Variants in BRDT observed in about 807,000 individuals in gnomAD.
BRDT encodes bromodomain testis-specific protein.
In BRDT, 77 loss-of-function variants were observed where a neutral mutation model predicts 113.9. That is an observed-to-expected ratio of 0.68 (90% CI 0.56 to 0.82). BRDT has a LOEUF of 0.82. BRDT is among the 40% of genes least tolerant of loss of function. The probability of loss-of-function intolerance (pLI) is 0.00; values close to 1 mark genes in which losing one functional copy is unlikely to be tolerated. For missense variants in BRDT, 1,027 were observed against 1,105.4 expected (o/e 0.93, Z 1.01); for synonymous variants, 358 against 366.5 (o/e 0.98, Z 0.26).
At chr1:91,985,120 C>G (rs574714181) in intron 12 of BRDT, among the ~76,000 whole-genome samples, 10 of 152,084 alleles carry the variant, frequency 6.6e-5, no homozygotes, top group Admixed American at 6.5e-4. Flanking sequence ...CTCACTCTGT[C>G]GCCCAGGCTG....
At chr1:91,953,301 G>A (rs1681330899) in intron 1 of BRDT, among the ~76,000 whole-genome samples, 1 of 152,182 alleles carries the variant, frequency 6.6e-6, no homozygotes, top group Non-Finnish European at 1.5e-5. Flanking sequence ...TTAGTTCTAT[G>A]CTGTGCTGTT....
Position 91,977,197 on chromosome 1 carries a change from A to T in BRDT, c.773A>T (p.Gln258Leu), listed in dbSNP as rs557202910. Residue 258 changes from glutamine to leucine, a missense_variant, in exon 6 of 19, where the codon CAG becomes CTG. Transcript: ENST00000399546. ...CCAAAGAATGTTTTGCCAGATTCTC[A>T]GCAACAATATAATGTTGTGAAGACT... ...NMPKNVLPDS[Q>L]QQYNVVKTVK... is the part of the protein sequence containing the mutation. 3 of 1,614,102 alleles carry T rather than the reference A, an allele frequency of 1.9e-6. No individual in the cohort carries two copies. The highest frequency in any genetic ancestry group is 2.2e-5 in the South Asian group (2 of 91,062).
chr1:92,005,299 A>G lies in BRDT; in HGVS notation c.2775A>G (p.Ala925=). The change falls in exon 18 of 19, where the codon GCA becomes GCG. Residue 925 remains alanine (A), a splice_region_variant and synonymous_variant. Coordinates refer to ENST00000399546, the MANE Select transcript of BRDT (RefSeq NM_207189.4). ...QKEQERRRRE[A]MVGTIDMTLQ... ...AACAAGAGAGGAGGAGGAGAGAAGC[A>G]GTAAGTGAATTTTAGTTTACTAAAT... 6.5e-7 allele frequency: 1 copy of G among 1,537,184 alleles called. No individual in the cohort carries two copies. The highest frequency in any genetic ancestry group is 8.7e-7 in the Non-Finnish European group (1 of 1,149,790).
rs955524230 is a variant in BRDT, at chr1:92,011,963, A to C, written c.2776-2243A>C. Among the ~76,000 whole-genome samples the C allele has an allele frequency of 4.6e-5, 7 of 152,218 alleles. 1 individual carries two copies. Among genetic ancestry groups the C allele is most frequent in the African/African-American group, 1.7e-4 (7 of 41,452 alleles). Reference sequence around the variant, plus strand: ...TTGAAGAGTGTATTTAGGACCACACAGTAAGGAATAGCCAGCTTATGGTGT... The same window carrying C: ...TTGAAGAGTGTATTTAGGACCACACCGTAAGGAATAGCCAGCTTATGGTGT... On this transcript the variant is annotated intron_variant, in intron 18 of 18. Coordinates refer to ENST00000399546, the MANE Select transcript of BRDT (RefSeq NM_207189.4).
In BRDT at chr1:91,994,165, A is replaced by C; in HGVS notation, c.2198A>C (p.Asn733Thr). 6.2e-7 allele frequency: 1 copy of C among 1,613,402 alleles called. No homozygotes were observed. Among genetic ancestry groups the C allele is most frequent in the Non-Finnish European group, 8.5e-7 (1 of 1,179,464 alleles). The change falls in exon 15 of 19, where the codon AAT (asparagine) becomes ACT (threonine). Residue 733 changes from asparagine to threonine, a missense_variant. By Grantham distance (65) the Asn-to-Thr change is moderately conservative. Transcript: ENST00000399546. ...ACACCTTCACATGTAATGCCACCAA[A>C]TCACCACCAATTAGCATTTAATTAT... is the stretch of plus-strand genomic sequence containing the variant. Reference protein sequence around the residue: ...QTTPSHVMPPNHHQLAFNYQE... With the variant: ...QTTPSHVMPPTHHQLAFNYQE...
At chr1:91,958,129 C>T (rs966367965) in intron 1 of BRDT, among the ~76,000 whole-genome samples, 1 of 152,190 alleles carries the variant, frequency 6.6e-6, no homozygotes, top group Middle Eastern at 3.4e-3. Flanking sequence ...AGGCGCGAGC[C>T]GCCATGCCTG....
chr1:92,013,081 G>A (rs559356929), intron 18 of BRDT, among the ~76,000 whole-genome samples: 2 of 151,856 alleles, frequency 1.3e-5, no homozygotes, highest in Admixed American at 6.6e-5. Context: ...ACCTGGGCAT[G>A]GCGGTGCACA....
chr1:91,956,755 T>C (rs1394487012), intron 1 of BRDT, among the ~76,000 whole-genome samples: 4 of 151,970 alleles, frequency 2.6e-5, no homozygotes, highest in Non-Finnish European at 5.9e-5. Context: ...CTGGGAAACA[T>C]AGTGAGACTC....
chr1:92,005,341 A>G, intron 18 of BRDT, 42 bp downstream of exon 18: 1 of 1,453,086 alleles, frequency 6.9e-7, no homozygotes, highest in South Asian at 1.6e-5. Context: ...TAACAAGGGA[A>G]AGATTTAACA....
rs572021271 is a variant in BRDT, at chr1:92,010,517, C to T, written c.2776-3689C>T. Among the ~76,000 whole-genome samples, 197 of 151,894 alleles carry T rather than the reference C, an allele frequency of 1.3e-3. 2 individuals carry two copies. The highest frequency in any genetic ancestry group is 0.01 in the Middle Eastern group (3 of 294). On this transcript the variant is annotated intron_variant, in intron 18 of 18. Coordinates refer to ENST00000399546, the MANE Select transcript of BRDT (RefSeq NM_207189.4). ...GCCAGGGCTAGTCTCAAACTCCTGT[C>T]CTTAAGGGATCTGCCTGCCTCTGCC...
At chr1:91,988,432 G>T (rs1685463002) in intron 12 of BRDT, among the ~76,000 whole-genome samples, 1 of 151,800 alleles carries the variant, frequency 6.6e-6, no homozygotes, top group Non-Finnish European at 1.5e-5. Context: ...ACGGCATCTT[G>T]CTCTGTCATC....
intron 12 of BRDT, among the ~76,000 whole-genome samples, chr1:91,988,722 G>A (rs1484306279): frequency 6.6e-6 from 1 of 151,980 alleles, no homozygotes; most frequent in Non-Finnish European, 1.5e-5. Context: ...TTTAATTGAT[G>A]TTTGCTAGCA....
In BRDT at chr1:91,992,248, A is replaced by G. The variant is rs1346954435; in HGVS notation, c.2065-16A>G. ...GATAATATGATTAATGCTATAATCT[A>G]TATAATTATTTTTAGAAAATGAAGA... On this transcript the variant is annotated splice_polypyrimidine_tract_variant and intron_variant, in intron 13 of 18. Transcript: ENST00000399546. 1.5e-6 allele frequency: 2 copies of G among 1,353,088 alleles called. No individual in the cohort carries two copies. The highest frequency in any genetic ancestry group is 2.0e-6 in the Non-Finnish European group (2 of 992,726). The allele number at this position is 1,353,088 out of a possible 1,614,324, so 83.8% of individuals were successfully genotyped here.
At position 92,005,174 on chromosome 1, in the gene BRDT, T is replaced by C. The variant is rs559363044; in HGVS notation, c.2650T>C (p.Cys884Arg). ...TTTTTCAAATAAAATACAAAACAAG[T>C]GCTCTGGAGAAGAGCAGAAAGAACA... ...ESFSNKIQNK[C>R]SGEEQKEHQQ... The change falls in exon 18 of 19, where the codon TGC (cysteine) becomes CGC (arginine). Residue 884 changes from cysteine (C) to arginine (R), a missense_variant. Transcript: ENST00000399546. 9 of 1,555,662 alleles carry C rather than the reference T, an allele frequency of 5.8e-6. No individual in the cohort carries two copies. In the African/African-American group the frequency reaches 1.1e-4, roughly 19 times the overall value.
At position 91,980,046 on chromosome 1, in the gene BRDT, A is replaced by C. The variant is rs1373510433; in HGVS notation, c.1287+289A>C. Among the ~76,000 whole-genome samples the C allele has an allele frequency of 2.0e-5, 3 of 152,226 alleles. 1 individual carries two copies. Among genetic ancestry groups the C allele is most frequent in the Admixed American group, 6.5e-5 (1 of 15,282 alleles). Reference sequence around the variant, plus strand: ...TTTTATGGATGAGGTCTTATTCAACATTAACTGCTTTTTATGATAAAATGT... The same window carrying C: ...TTTTATGGATGAGGTCTTATTCAACCTTAACTGCTTTTTATGATAAAATGT... On this transcript the variant is annotated intron_variant, in intron 8 of 18. Coordinates refer to ENST00000399546, the MANE Select transcript of BRDT (RefSeq NM_207189.4).
intron 1 of BRDT, among the ~76,000 whole-genome samples, chr1:91,955,488 T>G (rs569997762): frequency 6.6e-6 from 1 of 152,154 alleles, no homozygotes; most frequent in South Asian, 2.1e-4. Context: ...AAACCTCTTT[T>G]GGGTTCTTTT....
intron 12 of BRDT, among the ~76,000 whole-genome samples, chr1:91,988,324 G>A (rs1186151112): frequency 6.6e-6 from 1 of 152,106 alleles, no homozygotes; most frequent in Non-Finnish European, 1.5e-5. Flanking sequence ...GTGTATACAT[G>A]CTGTCATACT....
chr1:91,998,155 A>C (rs1352943112), intron 15 of BRDT, among the ~76,000 whole-genome samples: 1 of 152,158 alleles, frequency 6.6e-6, no homozygotes, highest in Non-Finnish European at 1.5e-5. Context: ...CTTCTCATAA[A>C]AACTTCACTA....
chr1:91,952,356 C>T (rs1215902162), intron 1 of BRDT: 2 of 152,142 alleles, frequency 1.3e-5, no homozygotes, highest in Admixed American at 1.3e-4. Context: ...GAGAGAGAGG[C>T]CACAGGATCA....
Sources: gnomAD v4.1 joint callset for allele counts (sites outside exome capture counted in the v4.1 genomes callset) on GRCh38, gnomAD v4.1.1 for gene constraint, MANE v1.5 for transcripts, NCBI Gene and HGNC (gene_info 2026-07-23, HGNC 2026-07-21) for gene names.